SYT12: variants seen among roughly 807,000 people sequenced by gnomAD.
The protein encoded by SYT12 is synaptotagmin 12.
In SYT12, 27 loss-of-function variants were observed where a neutral mutation model predicts 39.5. The ratio of observed to expected loss-of-function variants is 0.68; its 90% CI spans 0.50 to 0.94. SYT12 has a LOEUF of 0.94. Ranked by LOEUF, SYT12 falls within the 40% of genes least tolerant of loss-of-function variation. The pLI, the probability that SYT12 is intolerant of heterozygous loss-of-function variation, is 0.00. For missense variants in SYT12, 536 were observed against 572.6 expected, an observed-to-expected ratio of 0.94 and a Z score of 0.65; for synonymous variants, 233 against 239.7, an observed-to-expected ratio of 0.97 and a Z score of 0.26.
intron 5 of SYT12, among the ~76,000 whole-genome samples, chr11:67,044,350 C>T (rs147618816): frequency 2.6e-5 from 4 of 152,338 alleles, no homozygotes; most frequent in Admixed American, 2.6e-4. Flanking sequence ...CCCTCCGCCC[C>T]AGGCAGGACC....
chr11:67,046,714 C>T lies in SYT12; in HGVS notation c.1092+837C>T, dbSNP rs943064478. ...TGCCTCTCCCTGGGTGTCATAGTGC[C>T]ACTTCTCCACAGCCTCTAAAAGCAA... On this transcript the variant is annotated intron_variant, in intron 7 of 7. Coordinates refer to ENST00000527043, the MANE Select transcript of SYT12 (RefSeq NM_177963.4). Among the ~76,000 whole-genome samples, 6 of 152,168 alleles carry T rather than the reference C, an allele frequency of 3.9e-5. No individual in the cohort carries two copies. In the East Asian group the frequency reaches 5.8e-4, roughly 15 times the overall value.
chr11:67,047,767 ACCC>A (rs1421525005), intron 7 of SYT12, among the ~76,000 whole-genome samples: 1 of 96,138 alleles, frequency 1.0e-5, no homozygotes, highest in Non-Finnish European at 2.1e-5. Context: ...ACATGATGAA[ACCC>A]CCATCTCTTT....
At chr11:67,031,034 A>AT (rs1950256737) in intron 2 of SYT12, 1 of 152,174 alleles carries the variant, frequency 6.6e-6, no homozygotes, top group Non-Finnish European at 1.5e-5. Context: ...GTGCCCGGGA[A>AT]TCACCTTTCC....
At chr11:67,039,709 G>A in intron 3 of SYT12, 102 bp from the exon 4 acceptor site, 1 of 1,400,694 alleles carries the variant, frequency 7.1e-7, no homozygotes, top group South Asian at 1.5e-5. Context: ...GGGGAACTTG[G>A]AGATTCGAGA....
rs779301088 is a variant in SYT12 at position 67,040,231 on chromosome 11, G to C, written c.621+28G>C. 1.7e-5 allele frequency: 26 copies of C among 1,551,656 alleles called. No homozygotes were observed. The Admixed American group carries it at 2.3e-4, about 14-fold the overall frequency. ...AAGTGGGGCTCAGGGCGGGGCAGAA[G>C]GGTGCTCTGGGCTCACTAGATGCCT... On this transcript the variant is annotated intron_variant, in intron 4 of 7. Transcript: ENST00000527043.
At chr11:67,043,023 G>C (rs542693833) in intron 4 of SYT12, among the ~76,000 whole-genome samples, 3 of 152,176 alleles carry the variant, frequency 2.0e-5, no homozygotes, top group Non-Finnish European at 4.4e-5. Context: ...AATATCACCA[G>C]GCAGTGACTA....
intron 1 of SYT12, among the ~76,000 whole-genome samples, chr11:67,024,826 C>G (rs913056184): frequency 6.6e-6 from 1 of 152,188 alleles, no homozygotes; most frequent in Non-Finnish European, 1.5e-5. Context: ...GCCCAACTCC[C>G]GACCCTTCCC....
rs1950057532 is a variant in SYT12, at chr11:67,016,187, A to G, written c.-69+5193A>G. Among the ~76,000 whole-genome samples the G allele has an allele frequency of 3.3e-5, 5 of 152,336 alleles. No homozygotes were observed. In the South Asian group the frequency reaches 1.0e-3, roughly 32 times the overall value. ...TCCCAGCTACTTGGGAGGCTGAGGC[A>G]TGAGAATAGCTTGAACCCAGGAGAT... is the stretch of plus-strand genomic sequence containing the variant. On this transcript the variant is annotated intron_variant, in intron 3 of 10. Transcript: ENST00000393946.
intron 2 of SYT12, among the ~76,000 whole-genome samples, chr11:67,010,400 G>A (rs1294028873): frequency 6.6e-6 from 1 of 152,188 alleles, no homozygotes; most frequent in Non-Finnish European, 1.5e-5. Flanking sequence ...GGCCCCAAGG[G>A]CTGGGCAGGA....
intron 4 of SYT12, 89 bp from the exon 5 acceptor site, chr11:67,043,549 G>T: frequency 8.0e-7 from 1 of 1,243,120 alleles, no homozygotes; most frequent in East Asian, 2.3e-5. Context: ...CAGGACTCTA[G>T]CCTGGGCCTC....
intron 3 of SYT12, among the ~76,000 whole-genome samples, chr11:67,035,813 C>CCTTCCTTA (rs1950360443): frequency 1.3e-5 from 1 of 74,510 alleles, no homozygotes; most frequent in African/African-American, 6.6e-5. Flanking sequence ...TTCCTTCCTT[C>CCTTCCTTA]CTTCCTTCCT....
chr11:67,045,012 A>T (rs962986225), intron 6 of SYT12, among the ~76,000 whole-genome samples: 15 of 152,046 alleles, frequency 9.9e-5, no homozygotes, highest in African/African-American at 3.6e-4. Flanking sequence ...GGCTGGGGGC[A>T]CTGGGCAGGG....
chr11:67,009,658 A>G (rs1295929355), intron 1 of SYT12, among the ~76,000 whole-genome samples: 2 of 152,192 alleles, frequency 1.3e-5, no homozygotes, highest in Non-Finnish European at 2.9e-5. Context: ...AAAGAGATGA[A>G]TAAGACACCT....
At chr11:67,014,161 C>T (rs1170539187) in intron 3 of SYT12, among the ~76,000 whole-genome samples, 1 of 152,170 alleles carries the variant, frequency 6.6e-6, no homozygotes, top group South Asian at 2.1e-4. Context: ...TCTGCAAAGA[C>T]CCTATTTTCA....
chr11:67,025,039 C>T (rs1262227449), intron 1 of SYT12, among the ~76,000 whole-genome samples: 1 of 152,210 alleles, frequency 6.6e-6, no homozygotes, highest in Non-Finnish European at 1.5e-5. Flanking sequence ...CAACTCCCCA[C>T]CCCAAAAGGC....
intron 1 of SYT12, chr11:67,027,106 G>C (rs1396206745): frequency 6.6e-6 from 1 of 152,208 alleles, no homozygotes; most frequent in African/African-American, 2.4e-5. Flanking sequence ...CAAACCCTGT[G>C]CTCAGGATGA....
chr11:67,009,554 A>G (rs1949998150), intron 1 of SYT12, among the ~76,000 whole-genome samples: 1 of 152,082 alleles, frequency 6.6e-6, no homozygotes, highest in African/African-American at 2.4e-5. Context: ...AGCCTCCGAA[A>G]GTGCTGGGAT....
chr11:67,015,613 G>T (rs80340080), intron 3 of SYT12, among the ~76,000 whole-genome samples: 1 of 152,166 alleles, frequency 6.6e-6, no homozygotes, highest in African/African-American at 2.4e-5. Context: ...AGGGATTTTC[G>T]CTGTCCTGGA....
At chr11:67,039,709 G>T in intron 3 of SYT12, 102 bp from the exon 4 acceptor site, 1 of 1,400,694 alleles carries the variant, frequency 7.1e-7, no homozygotes, top group South Asian at 1.5e-5. Flanking sequence ...GGGGAACTTG[G>T]AGATTCGAGA....
Sources: gnomAD v4.1 joint callset for allele counts (sites outside exome capture counted in the v4.1 genomes callset) on GRCh38, gnomAD v4.1.1 for gene constraint, MANE v1.5 for transcripts, NCBI Gene and HGNC (gene_info 2026-07-23, HGNC 2026-07-21) for gene names.